Variants in SLC25A44 observed in about 807,000 individuals in gnomAD.
The protein encoded by SLC25A44 is solute carrier family 25, member 44.
SLC25A44 carries 17 observed loss-of-function variants against 29.9 expected under a neutral mutation model. The observed-to-expected ratio is 0.57, with a 90% CI of 0.39 to 0.85. The LOEUF (loss-of-function observed/expected upper bound fraction) is 0.85. SLC25A44 is among the 40% of genes least tolerant of loss of function. The pLI, the probability that SLC25A44 is intolerant of heterozygous loss-of-function variation, is 0.00. For synonymous variants in SLC25A44, 140 were observed against 151.8 expected (o/e 0.92, Z 0.57); for missense variants, 302 against 398.4 (o/e 0.76, Z 2.06).
chr1:156,207,007 T>C (rs368117182), intron 2 of SLC25A44, among the ~76,000 whole-genome samples: 2 of 152,290 alleles, frequency 1.3e-5, no homozygotes, highest in Non-Finnish European at 2.9e-5. Context: ...AAGCAAATTT[T>C]GAAATCTCCC....
chr1:156,210,622 C>T lies in SLC25A44; in HGVS notation c.*191C>T, dbSNP rs1657237826. The T allele has an allele frequency of 4.9e-6, 2 of 404,500 alleles. No individual in the cohort carries two copies. The highest frequency in any genetic ancestry group is 8.8e-6 in the Non-Finnish European group (2 of 227,522). The allele number at this position is 404,500 out of a possible 1,614,324, so 25.1% of individuals were successfully genotyped here. A position where few individuals can be genotyped will look rare whatever the true frequency, so the allele number is the denominator to read the frequency against. On this transcript the variant is annotated 3_prime_UTR_variant, in exon 4 of 4. Coordinates refer to ENST00000359511, the MANE Select transcript of SLC25A44 (RefSeq NM_014655.4). ...AGAGGCTCCACGCCTGGATCCCTTG[C>T]CCCCACTATTTAAAATTCTCTTCTG...
In SLC25A44 at chr1:156,199,961, C is replaced by T. The variant is rs1656451295; in HGVS notation, c.114C>T (p.Phe38=). ...TMMIRVSVYP[F]TLIRTRLQVQ... ...TGATCCGTGTCAGTGTCTACCCATTCACCCTCATCCGCACCCGGTTGCAAG... is the reference window on the plus strand; with the variant it reads ...TGATCCGTGTCAGTGTCTACCCATTTACCCTCATCCGCACCCGGTTGCAAG... Residue 38 remains phenylalanine (F), a synonymous_variant, in exon 2 of 4, where the codon TTC becomes TTT. Coordinates refer to ENST00000359511, the MANE Select transcript of SLC25A44 (RefSeq NM_014655.4). The T allele has an allele frequency of 6.2e-7, 1 of 1,614,208 alleles. No individual in the cohort carries two copies. The highest frequency in any genetic ancestry group is 8.5e-7 in the Non-Finnish European group (1 of 1,180,036).
chr1:156,195,536 CG>C (rs1572446182), intron 1 of SLC25A44, among the ~76,000 whole-genome samples: 1 of 152,292 alleles, frequency 6.6e-6, no homozygotes, highest in East Asian at 1.9e-4. Flanking sequence ...GCGGCAGTAC[CG>C]GGAGCCGAGT....
At chr1:156,199,130 T>C (rs1656390304) in intron 1 of SLC25A44, 1 of 152,240 alleles carries the variant, frequency 6.6e-6, no homozygotes, top group African/African-American at 2.4e-5. Context: ...CCTCTATACT[T>C]TCTTCCAATG....
At chr1:156,207,654 GAAA>G (rs1657038514) in intron 2 of SLC25A44, among the ~76,000 whole-genome samples, 1 of 151,434 alleles carries the variant, frequency 6.6e-6, no homozygotes, top group Non-Finnish European at 1.5e-5. Context: ...TGTCTCAAAA[GAAA>G]AAAAATCAAT....
At chr1:156,202,158 C>G (rs1190668755) in intron 2 of SLC25A44, among the ~76,000 whole-genome samples, 1 of 152,148 alleles carries the variant, frequency 6.6e-6, no homozygotes, top group Non-Finnish European at 1.5e-5. Context: ...ATGTCTAGTC[C>G]TGGTAACTCT....
chr1:156,196,542 C>G (rs980412889), intron 1 of SLC25A44: 2 of 152,186 alleles, frequency 1.3e-5, no homozygotes, highest in African/African-American at 2.4e-5. Flanking sequence ...TGAGAAGGTG[C>G]CATGAAACCA....
chr1:156,197,136 G>A (rs927285751), intron 1 of SLC25A44: 2 of 152,182 alleles, frequency 1.3e-5, no homozygotes, highest in Non-Finnish European at 2.9e-5. Context: ...CTTCTCACTG[G>A]TGTTGGAAAT....
At chr1:156,199,500 A>G (rs1156245140) in intron 1 of SLC25A44, 1 of 304,870 alleles carries the variant, frequency 3.3e-6, no homozygotes, top group Non-Finnish European at 6.1e-6. Flanking sequence ...GCCCAGACAG[A>G]GGCAGAGAGT....
At chr1:156,209,181 G>A (rs976162580) in intron 3 of SLC25A44, among the ~76,000 whole-genome samples, 2 of 152,204 alleles carry the variant, frequency 1.3e-5, no homozygotes, top group South Asian at 4.1e-4. Context: ...ATAATAAAGT[G>A]CACAGGGTCA....
chr1:156,204,499 T>G (rs1202543870), intron 2 of SLC25A44, among the ~76,000 whole-genome samples: 3 of 152,030 alleles, frequency 2.0e-5, no homozygotes, highest in Non-Finnish European at 4.4e-5. Flanking sequence ...TTTTTTTGTT[T>G]GTTTCAAACG....
rs58631766 is a variant in SLC25A44 at position 156,211,056 on chromosome 1, T to TTGTGTGTGTGTGTGTGTG, written c.*653_*670dup. ...TGGGAGAAATGTTGATACTTTTGTTTTGTGTGTGTGTGTGTGTGTGTGTGT... is the reference window on the plus strand; with the variant it reads ...TGGGAGAAATGTTGATACTTTTGTTTTGTGTGTGTGTGTGTGTGTGTGTGTGTGTGTGTGTGTGTGTGT... On this transcript the variant is annotated 3_prime_UTR_variant, in exon 4 of 4. Transcript: ENST00000359511. 4 of 138,862 alleles carry TTGTGTGTGTGTGTGTGTG rather than the reference T, an allele frequency of 2.9e-5. No homozygotes were observed. The highest frequency in any genetic ancestry group is 4.3e-4 in the East Asian group (2 of 4,634). The allele number at this position is 138,862 out of a possible 1,614,324, so 8.6% of individuals were successfully genotyped here.
At chr1:156,197,301 A>C (rs1198770845) in intron 1 of SLC25A44, 1 of 152,242 alleles carries the variant, frequency 6.6e-6, no homozygotes, top group Non-Finnish European at 1.5e-5. Flanking sequence ...AGCAAGTGGC[A>C]TATCATTGTT....
intron 2 of SLC25A44, among the ~76,000 whole-genome samples, chr1:156,206,632 A>G (rs1436059087): frequency 6.6e-6 from 1 of 152,108 alleles, no homozygotes; most frequent in East Asian, 1.9e-4. Flanking sequence ...TCCAGGACTC[A>G]GGTGATCCTC....
chr1:156,208,211 G>A (rs977872400), intron 3 of SLC25A44, among the ~76,000 whole-genome samples, 198 bp downstream of exon 3: 1 of 152,212 alleles, frequency 6.6e-6, no homozygotes, highest in African/African-American at 2.4e-5. Flanking sequence ...GCTCACGCCT[G>A]TAATCCCAGC....
intron 1 of SLC25A44, among the ~76,000 whole-genome samples, chr1:156,195,319 G>A (rs139096378): frequency 6.6e-6 from 1 of 152,018 alleles, no homozygotes; most frequent in East Asian, 1.9e-4. Context: ...TAGCCAGGAT[G>A]GTCTCGATCT....
intron 2 of SLC25A44, among the ~76,000 whole-genome samples, chr1:156,203,121 C>T (rs1656692159): frequency 6.6e-6 from 1 of 152,160 alleles, no homozygotes. Flanking sequence ...CCACCTTGTG[C>T]CACTCTGCTC....
intron 2 of SLC25A44, among the ~76,000 whole-genome samples, chr1:156,205,322 G>A (rs1469584403): frequency 1.3e-5 from 2 of 152,094 alleles, no homozygotes; most frequent in African/African-American, 2.4e-5. Flanking sequence ...GATTACAGGC[G>A]TGAGCCACCA....
rs1457323830 is a variant in SLC25A44, at chr1:156,211,841, T to G, written c.*1410T>G. The G allele has an allele frequency of 2.6e-5, 4 of 152,738 alleles. No individual in the cohort carries two copies. The East Asian group carries it at 7.5e-4, about 29-fold the overall frequency. 9.5% of individuals were successfully genotyped at this position (152,738 alleles called of 1,614,324 possible). On this transcript the variant is annotated 3_prime_UTR_variant, in exon 4 of 4. Transcript: ENST00000359511. ...TACCTGAGACGTGTGACCTGGATGA[T>G]CCTCCAAACCCTATTGGTCCCACCC... is the stretch of plus-strand genomic sequence containing the variant.
Sources: gnomAD v4.1 joint callset for allele counts (sites outside exome capture counted in the v4.1 genomes callset) on GRCh38, gnomAD v4.1.1 for gene constraint, MANE v1.5 for transcripts, NCBI Gene and HGNC (gene_info 2026-07-23, HGNC 2026-07-21) for gene names.